The following AGBL4 variants were observed in gnomAD, a reference collection of about 807,000 sequenced individuals.
AGBL4 encodes the protein AGBL carboxypeptidase 4.
Under a neutral mutation model 66.4 loss-of-function variants are expected in AGBL4, and 58 were observed. That is an observed-to-expected ratio of 0.87 (90% confidence interval 0.71 to 1.09). The LOEUF (loss-of-function observed/expected upper bound fraction) is 1.09. Ranked by LOEUF, AGBL4 falls within the 50% of genes least tolerant of loss-of-function variation. The probability of loss-of-function intolerance (pLI) is 0.00; values close to 1 mark genes in which losing one functional copy is unlikely to be tolerated. For missense variants in AGBL4, 579 were observed against 631.0 expected (o/e 0.92, Z 0.88); for synonymous variants, 234 against 222.9 (o/e 1.05, Z -0.44).
At chr1:49,681,878 T>G (rs1181889209) in intron 3 of AGBL4, among the ~76,000 whole-genome samples, 1 of 152,160 alleles carries the variant, frequency 6.6e-6, no homozygotes, top group Non-Finnish European at 1.5e-5. Flanking sequence ...ATGCCATGCC[T>G]TTTTAATATG....
chr1:49,970,333 A>G (rs1359720193), intron 1 of AGBL4, among the ~76,000 whole-genome samples: 1 of 152,230 alleles, frequency 6.6e-6, no homozygotes, highest in African/African-American at 2.4e-5. Context: ...ATAGGAAAAA[A>G]TATTTGCAAA....
chr1:49,450,724 G>T lies in AGBL4; in HGVS notation c.283-204860C>A, dbSNP rs115749705. 7.0e-3 allele frequency among the ~76,000 whole-genome samples: 1,064 copies of T among 152,126 alleles called. 12 individuals are homozygous for T. Among genetic ancestry groups the T allele is most frequent in the South Asian group, 0.029 (140 of 4,812 alleles). On this transcript the variant is annotated intron_variant, in intron 3 of 13. Coordinates refer to ENST00000371839, the MANE Select transcript of AGBL4 (RefSeq NM_032785.4). Reference sequence around the variant, plus strand: ...GGCTCAATTCTTTTAGGAGAAAGATGATGGAATTTATGTAACTTAGGAATA... The same window carrying T: ...GGCTCAATTCTTTTAGGAGAAAGATTATGGAATTTATGTAACTTAGGAATA...
At chr1:49,124,602 T>A (rs1645728771) in intron 4 of AGBL4, among the ~76,000 whole-genome samples, 1 of 152,218 alleles carries the variant, frequency 6.6e-6, no homozygotes, top group Admixed American at 6.5e-5. Context: ...ACTAGCTGTG[T>A]GACCCTAGGC....
chr1:49,945,520 G>C (rs1254388610), intron 1 of AGBL4, among the ~76,000 whole-genome samples: 1 of 151,958 alleles, frequency 6.6e-6, no homozygotes, highest in Non-Finnish European at 1.5e-5. Context: ...AATGATAAGA[G>C]AATTCACCAC....
chr1:49,482,320 TA>T (rs1374204221), intron 3 of AGBL4, among the ~76,000 whole-genome samples: 2 of 151,976 alleles, frequency 1.3e-5, no homozygotes, highest in Non-Finnish European at 2.9e-5. Context: ...CAGAGCTCAT[TA>T]TTGGGCTGAT....
At chr1:49,946,569 GGAAA>G (rs1330884953) in intron 1 of AGBL4, among the ~76,000 whole-genome samples, 1 of 151,898 alleles carries the variant, frequency 6.6e-6, no homozygotes, top group African/African-American at 2.4e-5. Flanking sequence ...AGTGCTAATA[GGAAA>G]TATCATAGCC....
intron 6 of AGBL4, among the ~76,000 whole-genome samples, chr1:48,837,711 CTATATATATATATATATATA>C (rs58650623): frequency 3.6e-5 from 3 of 82,298 alleles, no homozygotes; most frequent in African/African-American, 1.3e-4. Flanking sequence ...CACACACACA[CTATATATATATATATATATA>C]TATATATATA....
At chr1:49,965,599 C>T (rs879321753) in intron 1 of AGBL4, among the ~76,000 whole-genome samples, 8 of 152,092 alleles carry the variant, frequency 5.3e-5, no homozygotes, top group Non-Finnish European at 1.2e-4. Context: ...TTCTAGGTCC[C>T]AATAAACCAT....
intron 2 of AGBL4, among the ~76,000 whole-genome samples, chr1:49,740,087 T>A (rs1650299623): frequency 6.6e-6 from 1 of 152,196 alleles, no homozygotes; most frequent in Non-Finnish European, 1.5e-5. Context: ...ATGCTCCAAT[T>A]AAAAGACACA....
intron 4 of AGBL4, among the ~76,000 whole-genome samples, chr1:49,127,593 G>A (rs1246298796): frequency 2.0e-5 from 3 of 151,972 alleles, no homozygotes; most frequent in African/African-American, 7.2e-5. Flanking sequence ...TGCATACAAG[G>A]GTAAAACTCC....
chr1:49,689,808 C>T (rs1018756900), intron 3 of AGBL4, among the ~76,000 whole-genome samples: 21 of 152,174 alleles, frequency 1.4e-4, no homozygotes, highest in African/African-American at 3.9e-4. Context: ...TTAATTCCTA[C>T]GTGTTTAATT....
chr1:49,847,788 A>G (rs886431356), intron 2 of AGBL4, among the ~76,000 whole-genome samples: 1 of 150,528 alleles, frequency 6.6e-6, no homozygotes, highest in Admixed American at 6.6e-5. Context: ...TGCAGGCTCC[A>G]CCCGCCAGGT....
At chr1:48,527,512 G>A in the AGBL4 span, among the ~76,000 whole-genome samples, 124 of 151,790 alleles carry the variant, frequency 8.2e-4, 1 homozygote, top group African/African-American at 2.9e-3. Flanking sequence ...CAGGAGAATT[G>A]CTTGAACCCA....
At chr1:48,607,348 T>A (rs1206404097) in intron 9 of AGBL4, among the ~76,000 whole-genome samples, 1 of 152,084 alleles carries the variant, frequency 6.6e-6, no homozygotes, top group Admixed American at 6.6e-5. Flanking sequence ...CCAGGTGCGG[T>A]AGTTCACTCC....
intron 4 of AGBL4, among the ~76,000 whole-genome samples, chr1:49,129,292 TTTG>T (rs149296212): frequency 0.48 from 72,312 of 151,472 alleles, 20,100 homozygotes; most frequent in Middle Eastern, 0.64. Flanking sequence ...TTTTGTTTTT[TTTG>T]TTGTTGTTGT....
chr1:49,918,187 G>A (rs979495620), intron 1 of AGBL4, among the ~76,000 whole-genome samples: 3 of 152,170 alleles, frequency 2.0e-5, no homozygotes, highest in Admixed American at 6.5e-5. Context: ...AGAGAAGCAA[G>A]AGCAAACACA....
intron 3 of AGBL4, among the ~76,000 whole-genome samples, chr1:49,313,950 T>G (rs1447258163): frequency 6.6e-6 from 1 of 152,214 alleles, no homozygotes; most frequent in African/African-American, 2.4e-5. Context: ...CCCATGCCTA[T>G]GTCCTGAATG....
At chr1:49,132,060 C>A (rs1272165204) in intron 4 of AGBL4, among the ~76,000 whole-genome samples, 1 of 151,992 alleles carries the variant, frequency 6.6e-6, no homozygotes, top group Non-Finnish European at 1.5e-5. Flanking sequence ...GGACCAAGGA[C>A]AAGTTGCAGA....
intron 3 of AGBL4, among the ~76,000 whole-genome samples, chr1:49,391,600 C>T (rs558956666): frequency 1.3e-4 from 19 of 144,950 alleles, no homozygotes; most frequent in South Asian, 2.2e-4. Flanking sequence ...CTCGCTCTAT[C>T]GCCCAGGCTG....
Sources: gnomAD v4.1 joint callset for allele counts (sites outside exome capture counted in the v4.1 genomes callset) on GRCh38, gnomAD v4.1.1 for gene constraint, MANE v1.5 for transcripts, NCBI Gene and HGNC (gene_info 2026-07-23, HGNC 2026-07-21) for gene names.